MTA3: variants seen among roughly 807,000 people sequenced by gnomAD.
MTA3 encodes metastasis-associated protein MTA3.
MTA3 carries 34 observed loss-of-function variants against 83.5 expected under a neutral mutation model. That is an observed-to-expected ratio of 0.41 (90% CI 0.31 to 0.54). MTA3 has a LOEUF of 0.54. Among genes scored for constraint, MTA3 ranks in the 20% least tolerant of loss-of-function variants. The pLI is 0.33. For synonymous variants in MTA3, 303 were observed against 252.7 expected (o/e 1.20, Z -1.89); for missense variants, 761 against 726.4 (o/e 1.05, Z -0.55).
At chr2:42,595,408 C>T (rs747870954) in intron 3 of MTA3, among the ~76,000 whole-genome samples, 1 of 152,068 alleles carries the variant, frequency 6.6e-6, no homozygotes, top group Non-Finnish European at 1.5e-5. Flanking sequence ...CTGTGCCCGG[C>T]ATGTTTTTAT....
intron 16 of MTA3, among the ~76,000 whole-genome samples, chr2:42,729,092 T>TGTTTTTTTTTG (rs1553397736): frequency 8.9e-6 from 1 of 112,260 alleles, no homozygotes. Flanking sequence ...TTGAGTTTTT[T>TGTTTTTTTTTG]TTTTTTTTTT....
Position 42,697,762 on chromosome 2 carries a change from A to G in MTA3, c.967-14A>G, listed in dbSNP as rs1490614993. On this transcript the variant is annotated splice_polypyrimidine_tract_variant and intron_variant, in intron 10 of 16. Transcript: ENST00000405094. Reference sequence around the variant, plus strand: ...GCATTGCATGTAAAATGTTTTATTCATCTTTTGAATTAGAAACGTCTAAAA... The same window carrying G: ...GCATTGCATGTAAAATGTTTTATTCGTCTTTTGAATTAGAAACGTCTAAAA... The G allele has an allele frequency of 2.0e-6, 3 of 1,522,534 alleles. No individual in the cohort carries two copies. Among genetic ancestry groups the G allele is most frequent in the Non-Finnish European group, 2.6e-6 (3 of 1,132,124 alleles). The allele number at this position is 1,522,534 out of a possible 1,614,324, so 94.3% of individuals were successfully genotyped here. A position where few individuals can be genotyped will look rare whatever the true frequency, so the allele number is the denominator to read the frequency against.
intron 8 of MTA3, among the ~76,000 whole-genome samples, chr2:42,668,439 C>T (rs532592230): frequency 2.0e-5 from 3 of 152,324 alleles, no homozygotes; most frequent in South Asian, 2.1e-4. Flanking sequence ...TGCGACCTTC[C>T]AGCCTCGGAA....
Position 42,686,271 on chromosome 2 carries a change from G to A in MTA3, c.891+3682G>A, listed in dbSNP as rs1558581387. 2.0e-5 allele frequency among the ~76,000 whole-genome samples: 3 copies of A among 152,190 alleles called. No individual in the cohort carries two copies. The South Asian group carries it at 6.2e-4, about 32-fold the overall frequency. On this transcript the variant is annotated intron_variant, in intron 9 of 16. Coordinates refer to ENST00000405094, the MANE Select transcript of MTA3 (RefSeq NM_001330442.2). ...TAGATATTTTTATATTTAGTGGTTA[G>A]CGATAGCTTTATTCCGAAGCTTAAT...
At chr2:42,510,684 G>C (rs905814748) in intron 2 of MTA3, among the ~76,000 whole-genome samples, 7 of 152,148 alleles carry the variant, frequency 4.6e-5, no homozygotes, top group Admixed American at 1.3e-4. Flanking sequence ...TGTTGCCCTG[G>C]GGGTAGATTG....
intron 2 of MTA3, among the ~76,000 whole-genome samples, chr2:42,531,892 G>T (rs571400997): frequency 6.6e-5 from 10 of 152,092 alleles, no homozygotes; most frequent in African/African-American, 2.4e-4. Flanking sequence ...GAGTAGCTGG[G>T]ACTACAGGTG....
At chr2:42,752,569 G>A (rs930027196) in intron 16 of MTA3, among the ~76,000 whole-genome samples, 2 of 152,186 alleles carry the variant, frequency 1.3e-5, no homozygotes, top group African/African-American at 4.8e-5. Flanking sequence ...TGGAGGGGGT[G>A]GGAGTGAGGG....
At chr2:42,679,695 T>C (rs1309798722) in intron 8 of MTA3, among the ~76,000 whole-genome samples, 1 of 152,222 alleles carries the variant, frequency 6.6e-6, no homozygotes, top group African/African-American at 2.4e-5. Context: ...TTCTTCATTT[T>C]AAAGAATGGC....
intron 6 of MTA3, among the ~76,000 whole-genome samples, chr2:42,644,760 A>G (rs1257780117): frequency 6.6e-6 from 1 of 152,152 alleles, no homozygotes; most frequent in African/African-American, 2.4e-5. Flanking sequence ...CAGTGATCTT[A>G]GAGGTAACTA....
intron 8 of MTA3, among the ~76,000 whole-genome samples, chr2:42,680,430 C>T (rs1691772509): frequency 6.6e-6 from 1 of 152,116 alleles, no homozygotes; most frequent in Non-Finnish European, 1.5e-5. Flanking sequence ...GTGAAGCTAT[C>T]CCCATTTGTG....
Position 42,659,858 on chromosome 2 carries a change from C to T in MTA3, c.698C>T (p.Thr233Ile). The T allele has an allele frequency of 6.3e-7, 1 of 1,597,660 alleles. No homozygotes were observed. The highest frequency in any genetic ancestry group is 8.5e-7 in the Non-Finnish European group (1 of 1,172,350). The part of the protein sequence containing the change: ...MSAAAASRDI[T>I]LFHAMDTLYR... ...GCTGCTGCAGCTTCCCGAGACATCA[C>T]CTTGGTAAGACATGGTTTGAAATTT... Residue 233 changes from threonine (T) to isoleucine (I), a missense_variant, in exon 8 of 17, where the codon ACC (threonine) becomes ATC (isoleucine). Coordinates refer to ENST00000405094, the MANE Select transcript of MTA3 (RefSeq NM_001330442.2).
At chr2:42,661,373 C>T (rs761709201) in intron 8 of MTA3, among the ~76,000 whole-genome samples, 8 of 151,782 alleles carry the variant, frequency 5.3e-5, no homozygotes, top group Admixed American at 2.0e-4. Context: ...TGGTGGCATG[C>T]GCCTGTCTTC....
chr2:42,704,087 ATG>A, intron 11 of MTA3, 105 bp from the exon 12 acceptor site: 1 of 1,260,336 alleles, frequency 7.9e-7, no homozygotes, highest in Non-Finnish European at 1.1e-6. Flanking sequence ...ACATTTTAAA[ATG>A]TTTGTTTATG....
chr2:42,699,466 G>T (rs1006224518), intron 11 of MTA3, among the ~76,000 whole-genome samples: 1 of 152,178 alleles, frequency 6.6e-6, no homozygotes, highest in Non-Finnish European at 1.5e-5. Context: ...GGTCAGATTA[G>T]CACTTTAAGA....
chr2:42,618,395 C>T (rs552204371), intron 4 of MTA3, among the ~76,000 whole-genome samples: 7 of 152,152 alleles, frequency 4.6e-5, no homozygotes, highest in East Asian at 1.9e-4. Flanking sequence ...AATTTCCTCC[C>T]GGTAATGTAT....
At chr2:42,732,601 T>C (rs934225028) in intron 16 of MTA3, among the ~76,000 whole-genome samples, 3 of 152,232 alleles carry the variant, frequency 2.0e-5, no homozygotes, top group African/African-American at 7.2e-5. Flanking sequence ...ATTAGGCTTC[T>C]TGCTACTTAT....
At chr2:42,599,395 C>G (rs1008175150) in intron 3 of MTA3, among the ~76,000 whole-genome samples, 5 of 151,908 alleles carry the variant, frequency 3.3e-5, no homozygotes, top group African/African-American at 1.2e-4. Flanking sequence ...GAGATCGAGA[C>G]CATCCTAGCT....
intron 4 of MTA3, among the ~76,000 whole-genome samples, chr2:42,629,178 CA>C (rs1182897715): frequency 2.0e-5 from 3 of 152,096 alleles, no homozygotes; most frequent in Non-Finnish European, 2.9e-5. Flanking sequence ...CTCCCAGGTT[CA>C]AGCAATTCTC....
intron 3 of MTA3, among the ~76,000 whole-genome samples, chr2:42,605,162 G>A (rs1199324487): frequency 3.9e-4 from 58 of 147,292 alleles, no homozygotes; most frequent in Non-Finnish European, 7.2e-4. Flanking sequence ...AGGGGCGGCC[G>A]GGCAGAGGCG....
Sources: gnomAD v4.1 joint callset for allele counts (sites outside exome capture counted in the v4.1 genomes callset) on GRCh38, gnomAD v4.1.1 for gene constraint, MANE v1.5 for transcripts, NCBI Gene and HGNC (gene_info 2026-07-23, HGNC 2026-07-21) for gene names.